Variants in VPS53 observed in about 807,000 individuals in gnomAD.
VPS53 encodes VPS53 subunit of GARP complex.
Under a neutral mutation model 107.0 loss-of-function variants are expected in VPS53, and 70 were observed. The ratio of observed to expected loss-of-function variants is 0.65; its 90% CI spans 0.54 to 0.80. VPS53 has a LOEUF of 0.80. VPS53 is among the 30% of genes least tolerant of loss of function. The pLI, the probability that VPS53 is intolerant of heterozygous loss-of-function variation, is 0.00. For missense variants in VPS53, 917 were observed against 1,049.4 expected, an observed-to-expected ratio of 0.87 and a Z score of 1.74; for synonymous variants, 409 against 393.3, an observed-to-expected ratio of 1.04 and a Z score of -0.47.
chr17:650,622 G>A (rs761384307), intron 7 of VPS53, among the ~76,000 whole-genome samples: 22 of 152,166 alleles, frequency 1.4e-4, no homozygotes, highest in Non-Finnish European at 3.1e-4. Context: ...GTTGCTGAGG[G>A]TAAGGGTGCT....
chr17:622,255 T>C (rs189366794), intron 11 of VPS53, among the ~76,000 whole-genome samples: 26 of 152,114 alleles, frequency 1.7e-4, no homozygotes, highest in African/African-American at 5.8e-4. Flanking sequence ...TAAAGGATAG[T>C]CTTTTCTTCT....
intron 19 of VPS53, 34 bp from the exon 20 acceptor site, chr17:521,772 T>G: frequency 6.8e-7 from 1 of 1,474,988 alleles, no homozygotes; most frequent in Non-Finnish European, 9.1e-7. Context: ...TACCGGCCCC[T>G]TCCAGCGACC....
At chr17:656,667 C>A (rs1447819375) in intron 5 of VPS53, 3 of 558,884 alleles carry the variant, frequency 5.4e-6, no homozygotes, top group African/African-American at 3.9e-5. Context: ...GTGAAATCAT[C>A]CACTGTGTTT....
intron 4 of VPS53, among the ~76,000 whole-genome samples, chr17:683,133 A>T (rs1263110564): frequency 6.6e-6 from 1 of 152,216 alleles, no homozygotes; most frequent in African/African-American, 2.4e-5. Context: ...GAAAAAAGAA[A>T]AGAAAATCCA....
At chr17:548,192 T>C (rs1022036869) in intron 17 of VPS53, among the ~76,000 whole-genome samples, 1 of 152,146 alleles carries the variant, frequency 6.6e-6, no homozygotes, top group African/African-American at 2.4e-5. Context: ...AGTAAAGAGA[T>C]AGATAATGAA....
chr17:600,565 G>T (rs1289188117), intron 12 of VPS53, among the ~76,000 whole-genome samples: 1 of 152,230 alleles, frequency 6.6e-6, no homozygotes, highest in Non-Finnish European at 1.5e-5. Flanking sequence ...TCTCCGGGAT[G>T]GAGCCTCCTC....
chr17:585,606 C>T (rs1967269049), intron 13 of VPS53, among the ~76,000 whole-genome samples: 1 of 152,094 alleles, frequency 6.6e-6, no homozygotes, highest in Non-Finnish European at 1.5e-5. Flanking sequence ...CTCACCACTG[C>T]ACCCCAGCCT....
At chr17:692,831 T>C (rs1267005579) in intron 4 of VPS53, among the ~76,000 whole-genome samples, 1 of 152,036 alleles carries the variant, frequency 6.6e-6, no homozygotes, top group East Asian at 1.9e-4. Flanking sequence ...TGAAACCCTG[T>C]CTCTACTAAA....
intron 8 of VPS53, 40 bp from the exon 9 acceptor site, chr17:628,271 A>G (rs940455894): frequency 2.5e-6 from 4 of 1,605,638 alleles, no homozygotes; most frequent in Non-Finnish European, 8.5e-7. Flanking sequence ...AGCCAGAAAC[A>G]ACCTTTAAAC....
In VPS53 at chr17:517,341, T is replaced by G. The variant is rs1908381550; in HGVS notation, c.*1787A>C. On this transcript the variant is annotated 3_prime_UTR_variant, in exon 22 of 22. Coordinates refer to ENST00000437048, the MANE Select transcript of VPS53 (RefSeq NM_001128159.3). ...CTGGAAGCCGATGAAGAAATGACAC[T>G]CAGGATCAGAGCTGGACGGCATCGG... 1 of 397,986 alleles carries G rather than the reference T, an allele frequency of 2.5e-6. No homozygotes were observed. Among genetic ancestry groups the G allele is most frequent in the African/African-American group, 2.1e-5 (1 of 48,540 alleles). 24.7% of individuals were successfully genotyped at this position (397,986 alleles called of 1,614,324 possible).
At chr17:589,140 T>G (rs1011646573) in intron 12 of VPS53, among the ~76,000 whole-genome samples, 1 of 151,924 alleles carries the variant, frequency 6.6e-6, no homozygotes, top group Non-Finnish European at 1.5e-5. Context: ...CAGGATAACT[T>G]CTGGTAATTA....
At position 519,117 on chromosome 17, in the gene VPS53, C is replaced by G; in HGVS notation, c.*11G>C. On this transcript the variant is annotated 3_prime_UTR_variant, in exon 22 of 22. Coordinates refer to ENST00000437048, the MANE Select transcript of VPS53 (RefSeq NM_001128159.3). This position sits in a 1 kb window ranked among gnomAD's most constrained non-coding sequence, Gnocchi z 5.0. ...GGTCTCCAGCCAGGAGCAAAGGGCC[C>G]CTTGCTGCTGCTACAGTCTCTTTTT... The G allele has an allele frequency of 3.3e-6, 5 of 1,492,608 alleles. No homozygotes were observed. In the South Asian group the frequency reaches 6.6e-5, roughly 20 times the overall value. 92.5% of individuals were successfully genotyped at this position (1,492,608 alleles called of 1,614,324 possible). A position where few individuals can be genotyped will look rare whatever the true frequency, so the allele number is the denominator to read the frequency against.
chr17:544,591 G>T (rs891736950), intron 17 of VPS53, among the ~76,000 whole-genome samples: 4 of 152,154 alleles, frequency 2.6e-5, no homozygotes, highest in Non-Finnish European at 5.9e-5. Flanking sequence ...TCCCACCTTA[G>T]CCTCCCAAGT....
Position 510,820 on chromosome 17 carries a change from C to T in VPS53, c.*8308G>A, listed in dbSNP as rs1907900395. 6.5e-6 allele frequency: 1 copy of T among 152,836 alleles called. No individual in the cohort carries two copies. The highest frequency in any genetic ancestry group is 6.5e-5 in the Admixed American group (1 of 15,284). 9.5% of individuals were successfully genotyped at this position (152,836 alleles called of 1,614,324 possible). A position where few individuals can be genotyped will look rare whatever the true frequency, so the allele number is the denominator to read the frequency against. ...TACCCCAACTGACCTCCACTCCCCT[C>T]AGCACCCTCCTCTGGCCTCCGAGCT... On this transcript the variant is annotated 3_prime_UTR_variant, in exon 22 of 22. Transcript: ENST00000437048.
At chr17:623,416 C>T in intron 11 of VPS53, 117 bp downstream of exon 11, 2 of 1,246,876 alleles carry the variant, frequency 1.6e-6, no homozygotes, top group Non-Finnish European at 2.2e-6. Context: ...AGTGAAATCA[C>T]TGCAATGAGG....
intron 4 of VPS53, among the ~76,000 whole-genome samples, chr17:695,008 T>C (rs188264298): frequency 6.9e-4 from 105 of 152,310 alleles, no homozygotes; most frequent in South Asian, 2.7e-3. Flanking sequence ...CCTGGCTCAG[T>C]TGAATAAAAT....
intron 17 of VPS53, among the ~76,000 whole-genome samples, chr17:545,074 A>AT (rs1221148943): frequency 1.3e-5 from 2 of 152,056 alleles, no homozygotes; most frequent in Admixed American, 6.6e-5. Flanking sequence ...GAGTGAAGAA[A>AT]TTTTTTTATG....
chr17:533,829 G>A (rs917657538), intron 18 of VPS53, among the ~76,000 whole-genome samples: 1 of 147,802 alleles, frequency 6.8e-6, no homozygotes, highest in African/African-American at 2.5e-5. Flanking sequence ...AATGCACATT[G>A]AGTAAATCAT....
At chr17:644,777 T>A (rs1333141610) in intron 7 of VPS53, among the ~76,000 whole-genome samples, 2 of 152,090 alleles carry the variant, frequency 1.3e-5, no homozygotes, top group African/African-American at 2.4e-5. Flanking sequence ...AGAGACAGGG[T>A]TTCACCATGT....
Sources: allele counts gnomAD v4.1 joint callset (sites outside exome capture counted in the v4.1 genomes callset), GRCh38; gene constraint gnomAD v4.1.1; non-coding constraint Gnocchi (gnomAD v3.1); transcripts MANE v1.5; gene names NCBI Gene and HGNC (gene_info 2026-07-23, HGNC 2026-07-21).